PNPLA7: variants seen among roughly 807,000 people sequenced by gnomAD.
The protein encoded by PNPLA7 is patatin like domain 7, lysophospholipase, also known as patatin-like phospholipase domain-containing protein 7.
A neutral mutation model predicts 161.7 loss-of-function variants in PNPLA7; 153 were observed. The ratio of observed to expected loss-of-function variants is 0.95; its 90% CI spans 0.83 to 1.08. PNPLA7 has a LOEUF of 1.08. Ranked by LOEUF, PNPLA7 falls within the 50% of genes least tolerant of loss-of-function variation. The pLI, the probability that PNPLA7 is intolerant of heterozygous loss-of-function variation, is 0.00. For missense variants in PNPLA7, 1,739 were observed against 1,856.6 expected, an observed-to-expected ratio of 0.94 and a Z score of 1.16; for synonymous variants, 809 against 782.1, an observed-to-expected ratio of 1.03 and a Z score of -0.57.
In PNPLA7 at chr9:137,522,834, C is replaced by T. The variant is rs147114518; in HGVS notation, c.771G>A (p.Thr257=). The change falls in exon 9 of 35, where the codon ACG becomes ACA. Residue 257 remains threonine, a synonymous_variant. Transcript: ENST00000406427. ...IITGHAAPYK[T]VSVRAAIPST... Reference sequence around the variant, plus strand: ...ACGGGATGGCCGCGCGGACGGAGACCGTTTTGTAAGGTGCAGCATGGCCCT... The same window carrying T: ...ACGGGATGGCCGCGCGGACGGAGACTGTTTTGTAAGGTGCAGCATGGCCCT... 457 of 1,613,490 alleles carry T rather than the reference C, an allele frequency of 2.8e-4. 1 individual carries two copies. The highest frequency in any genetic ancestry group is 3.6e-4 in the Non-Finnish European group (425 of 1,179,936).
chr9:137,547,368 A>C lies in PNPLA7; in HGVS notation c.134T>G (p.Leu45Arg), dbSNP rs1476027764. 2 of 1,613,464 alleles carry C rather than the reference A, an allele frequency of 1.2e-6. No homozygotes were observed. The highest frequency in any genetic ancestry group is 3.3e-5 in the Admixed American group (2 of 59,998). Residue 45 changes from leucine to arginine, a missense_variant, in exon 3 of 35, where the codon CTG becomes CGG. Leu to Arg is a moderately radical substitution (Grantham distance 102, BLOSUM62 -2). Around this residue, in one of 6 missense-constraint regions of PNPLA7, gnomAD observed 209 missense variants for 252.8 expected, o/e 0.83. Transcript: ENST00000406427. This position sits in a 1 kb window ranked among gnomAD's most constrained non-coding sequence, Gnocchi z 4.6. ...MLTGIAVGAL[L>R]ALALVGVLIL... is the part of the protein sequence containing the mutation. ...GAGGACACCAACCAAGGCCAGGGCCAGGAGGGCTCCAACTGCAATCCCCGT... is the reference window on the plus strand; with the variant it reads ...GAGGACACCAACCAAGGCCAGGGCCCGGAGGGCTCCAACTGCAATCCCCGT...
At position 137,486,332 on chromosome 9, in the gene PNPLA7, G is replaced by C. The variant is rs908121485; in HGVS notation, c.2198-1596C>G. Among the ~76,000 whole-genome samples the C allele has an allele frequency of 2.6e-5, 4 of 152,170 alleles. No homozygotes were observed. Among genetic ancestry groups the C allele is most frequent in the Non-Finnish European group, 4.4e-5 (3 of 68,038 alleles). ...GCACACGGCGCCGTGGCAGCACTGC[G>C]GGTAAGAGCCTGTGAACGGGGAACA... On this transcript the variant is annotated intron_variant, in intron 20 of 34. Coordinates refer to ENST00000406427, the MANE Select transcript of PNPLA7 (RefSeq NM_001098537.3). The surrounding 1 kb of genome is among the most constrained non-coding windows in gnomAD (Gnocchi z 6.0).
At chr9:137,507,521 T>C (rs1459527655) in intron 12 of PNPLA7, among the ~76,000 whole-genome samples, 4 of 151,998 alleles carry the variant, frequency 2.6e-5, no homozygotes, top group Non-Finnish European at 5.9e-5. Flanking sequence ...AATACAAAAT[T>C]AGCCGGGCGT....
In PNPLA7 at chr9:137,524,232, C is replaced by A. The variant is rs1418161134; in HGVS notation, c.748-1375G>T. On this transcript the variant is annotated intron_variant, in intron 8 of 34. Coordinates refer to ENST00000406427, the MANE Select transcript of PNPLA7 (RefSeq NM_001098537.3). The surrounding 1 kb of genome is among the most constrained non-coding windows in gnomAD (Gnocchi z 4.4). ...GGAGGCTTCCCTCAGCGGTGTGACA[C>A]ACTCGAGATTCCCCCACGGTGGCAT... Among the ~76,000 whole-genome samples the A allele has an allele frequency of 6.6e-6, 1 of 152,246 alleles. No individual in the cohort carries two copies. The highest frequency in any genetic ancestry group is 2.4e-5 in the African/African-American group (1 of 41,470).
chr9:137,493,130 A>G (rs369795722), intron 19 of PNPLA7, 48 bp from the exon 20 acceptor site: 2 of 1,583,240 alleles, frequency 1.3e-6, no homozygotes, highest in African/African-American at 1.3e-5. Context: ...AAACTGAGAA[A>G]CACTGGGAAC....
chr9:137,464,552 C>T (rs1408170768), intron 26 of PNPLA7, 96 bp from the exon 27 acceptor site: 7 of 1,144,634 alleles, frequency 6.1e-6, no homozygotes, highest in South Asian at 2.5e-5. Flanking sequence ...ATGAATGGAA[C>T]GGGGGTCCAG....
At chr9:137,525,211 G>A (rs1199562593) in intron 8 of PNPLA7, among the ~76,000 whole-genome samples, 2 of 152,222 alleles carry the variant, frequency 1.3e-5, no homozygotes, top group Non-Finnish European at 2.9e-5. Flanking sequence ...AACGTCCCTG[G>A]GTGGCAACAC....
intron 23 of PNPLA7, 187 bp from the exon 24 acceptor site, chr9:137,479,425 C>T (rs1175474868): frequency 8.5e-6 from 11 of 1,299,446 alleles, no homozygotes; most frequent in East Asian, 5.9e-5. Flanking sequence ...GGGGTCCATC[C>T]GTCCACTGTG....
chr9:137,530,217 G>C (rs936876301), intron 8 of PNPLA7, among the ~76,000 whole-genome samples: 1 of 148,150 alleles, frequency 6.7e-6, no homozygotes, highest in Non-Finnish European at 1.5e-5. Context: ...TGCCCGCCTC[G>C]GCCTCCCAAA....
rs1205587442 is a variant in PNPLA7, at chr9:137,483,261, A to T, written c.2347+1326T>A. On this transcript the variant is annotated intron_variant, in intron 21 of 34. Coordinates refer to ENST00000406427, the MANE Select transcript of PNPLA7 (RefSeq NM_001098537.3). ...AGATGTTTCTAAAGGGAACTAGTTT[A>T]TGTGACGCGGGACAGCTCCACCGTA... 2.0e-5 allele frequency among the ~76,000 whole-genome samples: 3 copies of T among 152,166 alleles called. No homozygotes were observed. In the East Asian group the frequency reaches 5.8e-4, roughly 29 times the overall value.
At position 137,547,691 on chromosome 9, in the gene PNPLA7, T is replaced by G; in HGVS notation, c.31-32A>C. The G allele has an allele frequency of 6.2e-7, 1 of 1,606,544 alleles. No homozygotes were observed. The highest frequency in any genetic ancestry group is 2.2e-5 in the East Asian group (1 of 44,848). ...CAGAGAGCATGGGGTCAGGTGGGCATGGACAGGCTTCCCAGCCCGAACTTG... is the reference window on the plus strand; with the variant it reads ...CAGAGAGCATGGGGTCAGGTGGGCAGGGACAGGCTTCCCAGCCCGAACTTG... On this transcript the variant is annotated intron_variant, in intron 1 of 34. Coordinates refer to ENST00000406427, the MANE Select transcript of PNPLA7 (RefSeq NM_001098537.3). The surrounding 1 kb of genome is among the most constrained non-coding windows in gnomAD (Gnocchi z 4.6).
chr9:137,507,836 T>C (rs1004280044), intron 12 of PNPLA7, among the ~76,000 whole-genome samples: 1 of 152,190 alleles, frequency 6.6e-6, no homozygotes, highest in Admixed American at 6.5e-5. Context: ...GAAGGATCGC[T>C]TGAGCCCAGG....
chr9:137,491,869 G>A, intron 20 of PNPLA7: 1 of 985,472 alleles, frequency 1.0e-6, no homozygotes, highest in Non-Finnish European at 1.2e-6. Flanking sequence ...CAAGCACAGA[G>A]AAGAAAAAGG....
chr9:137,474,403 C>G (rs1460267749), intron 25 of PNPLA7, among the ~76,000 whole-genome samples: 1 of 152,204 alleles, frequency 6.6e-6, no homozygotes, highest in African/African-American at 2.4e-5. Context: ...GGAGTGCAGA[C>G]AAATCTCAGG....
At position 137,500,141 on chromosome 9, in the gene PNPLA7, A is replaced by G. The variant is rs1398501258; in HGVS notation, c.1757+550T>C. On this transcript the variant is annotated intron_variant, in intron 16 of 34. Transcript: ENST00000406427. This position sits in a 1 kb window ranked among gnomAD's most constrained non-coding sequence, Gnocchi z 5.5. Reference sequence around the variant, plus strand: ...ACTTACGGGCTGGGGTCAAGTGGACAGATGTCTTCCAGCCCGGAGCCTGGA... The same window carrying G: ...ACTTACGGGCTGGGGTCAAGTGGACGGATGTCTTCCAGCCCGGAGCCTGGA... Among the ~76,000 whole-genome samples the G allele has an allele frequency of 6.6e-6, 1 of 152,236 alleles. No homozygotes were observed. The highest frequency in any genetic ancestry group is 2.4e-5 in the African/African-American group (1 of 41,460).
Position 137,501,800 on chromosome 9 carries a change from T to C in PNPLA7, c.1474-73A>G, listed in dbSNP as rs993648886. On this transcript the variant is annotated intron_variant, in intron 14 of 34. Transcript: ENST00000406427. ...AAGGTCCAGAGAACAGAGGCTGCACTGGGCTGTTCAGGGGCAACGAGCGGT... is the reference window on the plus strand; with the variant it reads ...AAGGTCCAGAGAACAGAGGCTGCACCGGGCTGTTCAGGGGCAACGAGCGGT... 8 of 1,484,516 alleles carry C rather than the reference T, an allele frequency of 5.4e-6. No homozygotes were observed. The East Asian group carries it at 1.6e-4, about 31-fold the overall frequency. 92.0% of individuals were successfully genotyped at this position (1,484,516 alleles called of 1,614,324 possible).
chr9:137,479,865 G>A, intron 23 of PNPLA7: 1 of 985,462 alleles, frequency 1.0e-6, no homozygotes, highest in Non-Finnish European at 1.2e-6. Context: ...GGCTGTTCCT[G>A]TTGGCTGAGG....
In PNPLA7 at chr9:137,500,644, C is replaced by T. The variant is rs781576524; in HGVS notation, c.1757+47G>A. On this transcript the variant is annotated intron_variant, in intron 16 of 34. Coordinates refer to ENST00000406427, the MANE Select transcript of PNPLA7 (RefSeq NM_001098537.3). The surrounding 1 kb of genome is among the most constrained non-coding windows in gnomAD (Gnocchi z 5.5). ...GGCCACGCGGGGAGGGGTCTCAGGG[C>T]AGGGGGGGCTGGGGCCCGCCCTGAG... The T allele has an allele frequency of 6.3e-7, 1 of 1,581,428 alleles. No homozygotes were observed. The highest frequency in any genetic ancestry group is 1.1e-5 in the South Asian group (1 of 88,854).
intron 12 of PNPLA7, among the ~76,000 whole-genome samples, chr9:137,506,947 GCGCAGACACTAAC>G (rs1383700724): frequency 6.6e-6 from 1 of 152,230 alleles, no homozygotes; most frequent in Admixed American, 6.5e-5. Flanking sequence ...CAGAGGAACC[GCGCAGACACTAAC>G]CGCAGACACA....
Sources: allele counts gnomAD v4.1 joint callset (sites outside exome capture counted in the v4.1 genomes callset), GRCh38; gene constraint gnomAD v4.1.1; regional missense constraint gnomAD v4.1.1; non-coding constraint Gnocchi (gnomAD v3.1); transcripts MANE v1.5; gene names NCBI Gene and HGNC (gene_info 2026-07-23, HGNC 2026-07-21).